The following HMGA2 variants were observed in gnomAD, a reference collection of about 807,000 sequenced individuals.
HMGA2 encodes high mobility group protein HMGI-C.
HMGA2 carries 8 observed loss-of-function variants against 19.1 expected under a neutral mutation model. The observed-to-expected ratio is 0.42, with a 90% CI of 0.25 to 0.76. The LOEUF (loss-of-function observed/expected upper bound fraction) is 0.76, where lower values mean the gene tolerates loss of function less well. Among genes scored for constraint, HMGA2 ranks in the 30% least tolerant of loss-of-function variants. The pLI is 0.28. For missense variants in HMGA2, 109 were observed against 136.3 expected, an observed-to-expected ratio of 0.80 and a Z score of 1.00; for synonymous variants, 60 against 48.8, an observed-to-expected ratio of 1.23 and a Z score of -0.96.
chr12:65,919,903 C>T (rs1461365831), intron 3 of HMGA2, among the ~76,000 whole-genome samples: 3 of 152,160 alleles, frequency 2.0e-5, no homozygotes, highest in Non-Finnish European at 2.9e-5. Context: ...CCTCAGGCAA[C>T]CAGTTTTTAA....
At chr12:65,941,837 C>G (rs915222787) in intron 3 of HMGA2, among the ~76,000 whole-genome samples, 1 of 152,174 alleles carries the variant, frequency 6.6e-6, no homozygotes, top group Non-Finnish European at 1.5e-5. Context: ...GATTCTAAAT[C>G]TCTTTAGTCA....
intron 3 of HMGA2, among the ~76,000 whole-genome samples, chr12:65,874,987 G>T (rs1011414963): frequency 1.3e-5 from 2 of 152,104 alleles, no homozygotes; most frequent in African/African-American, 4.8e-5. Flanking sequence ...CAACCAGAAA[G>T]GTTCCCCGCC....
chr12:65,881,771 G>A, intron 3 of HMGA2: 1 of 703,106 alleles, frequency 1.4e-6, no homozygotes, highest in Non-Finnish European at 2.6e-6. Flanking sequence ...CCGTGCTGGT[G>A]AAGGAAGCCT....
intron 1 of HMGA2, chr12:65,827,040 T>C (rs971996620): frequency 2.0e-5 from 3 of 152,322 alleles, no homozygotes; most frequent in South Asian, 4.1e-4. Context: ...CGAATCTGAA[T>C]GAAATGTGAA....
intron 3 of HMGA2, among the ~76,000 whole-genome samples, chr12:65,911,563 T>G (rs1445782378): frequency 6.6e-6 from 1 of 152,130 alleles, no homozygotes; most frequent in Non-Finnish European, 1.5e-5. Context: ...CAAAGCCGGG[T>G]CATATGCTCT....
rs1258717460 is a variant in HMGA2, at chr12:65,825,013, C to T, written c.-258C>T. ...ACCTCCACCTCCGGCACCCACCCAC[C>T]GCCGCCGCCGCCACCGGCAGCGCCT... On this transcript the variant is annotated 5_prime_UTR_variant, in exon 1 of 5. Coordinates refer to ENST00000403681, the MANE Select transcript of HMGA2 (RefSeq NM_003483.6). The surrounding 1 kb of genome is among the most constrained non-coding windows in gnomAD (Gnocchi z 4.4). 2.4e-6 allele frequency: 1 copy of T among 409,550 alleles called. No individual in the cohort carries two copies. The highest frequency in any genetic ancestry group is 4.2e-5 in the South Asian group (1 of 23,566). The allele number at this position is 409,550 out of a possible 1,614,324, so 25.4% of individuals were successfully genotyped here.
At chr12:65,850,392 T>C (rs1281721000) in intron 3 of HMGA2, among the ~76,000 whole-genome samples, 3 of 152,220 alleles carry the variant, frequency 2.0e-5, no homozygotes, top group Admixed American at 6.5e-5. Flanking sequence ...TACTGCATTG[T>C]TTCCTGCTAT....
chr12:65,873,109 G>GA (rs1872791146), intron 3 of HMGA2, among the ~76,000 whole-genome samples: 1 of 152,126 alleles, frequency 6.6e-6, no homozygotes, highest in Non-Finnish European at 1.5e-5. Context: ...TGCCTCATGG[G>GA]AATTTGCACA....
chr12:65,864,200 C>T (rs938072761), intron 3 of HMGA2, among the ~76,000 whole-genome samples: 5 of 152,078 alleles, frequency 3.3e-5, no homozygotes, highest in African/African-American at 1.2e-4. Context: ...TTGCTTCCAA[C>T]CTGCCAACCA....
chr12:65,915,371 A>T (rs1368243756), intron 3 of HMGA2: 2 of 1,319,968 alleles, frequency 1.5e-6, no homozygotes, highest in Non-Finnish European at 1.9e-6. Flanking sequence ...AAAAGTACTC[A>T]CTCTAGGCAC....
intron 3 of HMGA2, among the ~76,000 whole-genome samples, chr12:65,870,950 C>T (rs1362561147): frequency 6.6e-6 from 1 of 151,984 alleles, no homozygotes; most frequent in South Asian, 2.1e-4. Context: ...TCACAGGGGC[C>T]GTGCATACAT....
chr12:65,911,913 C>T (rs1204499993), intron 3 of HMGA2, among the ~76,000 whole-genome samples: 1 of 152,144 alleles, frequency 6.6e-6, no homozygotes, highest in African/African-American at 2.4e-5. Flanking sequence ...ATGTTACAAG[C>T]ATGGCCAAAC....
At chr12:65,952,201 AT>A in intron 4 of HMGA2, 1 of 581,902 alleles carries the variant, frequency 1.7e-6, no homozygotes, top group Non-Finnish European at 3.1e-6. Context: ...GTCATTGGAG[AT>A]CCAGGTGGTA....
At position 65,964,126 on chromosome 12, in the gene HMGA2, T is replaced by C. The variant is rs1876835100; in HGVS notation, c.*834T>C. 2 of 204,560 alleles carry C rather than the reference T, an allele frequency of 9.8e-6. No individual in the cohort carries two copies. The highest frequency in any genetic ancestry group is 2.0e-5 in the Non-Finnish European group (2 of 100,084). 12.7% of individuals were successfully genotyped at this position (204,560 alleles called of 1,614,324 possible). A position where few individuals can be genotyped will look rare whatever the true frequency, so the allele number is the denominator to read the frequency against. On this transcript the variant is annotated 3_prime_UTR_variant, in exon 5 of 5. Transcript: ENST00000403681. ...GCCATTTAGCAATAAATAACACTTG[T>C]CAGCCTCAGAGCATTTAAGGAAACT... is the stretch of plus-strand genomic sequence containing the variant.
At chr12:65,935,370 A>T (rs1483885374) in intron 3 of HMGA2, among the ~76,000 whole-genome samples, 1 of 152,254 alleles carries the variant, frequency 6.6e-6, no homozygotes, top group African/African-American at 2.4e-5. Flanking sequence ...TCTATTAGTC[A>T]TCTAAGCACA....
Position 65,964,535 on chromosome 12 carries a change from C to A in HMGA2, c.*1243C>A, listed in dbSNP as rs1026594654. ...TTTTAGCCAGAGATGCAATATATCCCCACTACTCAATACTACCTCTGAATG... is the reference window on the plus strand; with the variant it reads ...TTTTAGCCAGAGATGCAATATATCCACACTACTCAATACTACCTCTGAATG... On this transcript the variant is annotated 3_prime_UTR_variant, in exon 5 of 5. Coordinates refer to ENST00000403681, the MANE Select transcript of HMGA2 (RefSeq NM_003483.6). The A allele has an allele frequency of 5.0e-5, 11 of 218,488 alleles. No individual in the cohort carries two copies. Among genetic ancestry groups the A allele is most frequent in the Admixed American group, 2.9e-4 (5 of 17,250 alleles). The allele number at this position is 218,488 out of a possible 1,614,324, so 13.5% of individuals were successfully genotyped here.
chr12:65,862,235 C>T lies in HMGA2; in HGVS notation c.249+23666C>T, dbSNP rs375497769. Among the ~76,000 whole-genome samples, 11 of 151,468 alleles carry T rather than the reference C, an allele frequency of 7.3e-5. No homozygotes were observed. The East Asian group carries it at 1.4e-3, about 19-fold the overall frequency. On this transcript the variant is annotated intron_variant, in intron 3 of 4. Coordinates refer to ENST00000403681, the MANE Select transcript of HMGA2 (RefSeq NM_003483.6). ...AAAGAATAAGCATTGGATATACTTA[C>T]CTTTTTTCAGATGTTATAACAAATT...
intron 3 of HMGA2, among the ~76,000 whole-genome samples, chr12:65,870,945 G>A (rs1872680875): frequency 6.6e-6 from 1 of 152,170 alleles, no homozygotes; most frequent in Non-Finnish European, 1.5e-5. Flanking sequence ...GCAGGTCACA[G>A]GGGCCGTGCA....
intron 2 of HMGA2, among the ~76,000 whole-genome samples, chr12:65,837,732 T>C (rs1233271886): frequency 6.6e-6 from 1 of 152,180 alleles, no homozygotes; most frequent in Non-Finnish European, 1.5e-5. Context: ...ATCAGAAAAA[T>C]CTTCTGTGAA....
Sources: gnomAD v4.1 joint callset for allele counts (sites outside exome capture counted in the v4.1 genomes callset) on GRCh38, gnomAD v4.1.1 for gene constraint, Gnocchi (gnomAD v3.1) non-coding constraint, MANE v1.5 for transcripts, NCBI Gene and HGNC (gene_info 2026-07-23, HGNC 2026-07-21) for gene names.